CTNNA1: variants seen among roughly 807,000 people sequenced by gnomAD.
The protein encoded by CTNNA1 is catenin alpha-1.
CTNNA1 carries 37 observed loss-of-function variants against 98.4 expected under a neutral mutation model. The observed-to-expected ratio is 0.38, with a 90% CI of 0.29 to 0.49. CTNNA1 has a LOEUF of 0.49. CTNNA1 is among the 20% of genes least tolerant of loss of function. The pLI, the probability that CTNNA1 is intolerant of heterozygous loss-of-function variation, is 0.95. For synonymous variants in CTNNA1, 404 were observed against 413.2 expected (o/e 0.98, Z 0.27); for missense variants, 761 against 1,147.2 (o/e 0.66, Z 4.86).
chr5:138,902,576 C>T (rs574269180), intron 9 of CTNNA1, among the ~76,000 whole-genome samples: 12 of 152,280 alleles, frequency 7.9e-5, no homozygotes, highest in Admixed American at 2.6e-4. Context: ...CCTGCCACCA[C>T]GCCCGGCTAA....
intron 7 of CTNNA1, among the ~76,000 whole-genome samples, chr5:138,847,398 C>G (rs909143958): frequency 7.2e-5 from 11 of 152,092 alleles, no homozygotes; most frequent in African/African-American, 2.4e-4. Context: ...CTACTGGGCT[C>G]AAGTGATCCT....
Position 138,841,946 on chromosome 5 carries a change from A to G in CTNNA1, c.1062+14228A>G, listed in dbSNP as rs544933783. Reference sequence around the variant, plus strand: ...CTGAATTACTTCTCCTTGCTTTGAGAGAGAATTACTGGTTTTATAGATTCA... The same window carrying G: ...CTGAATTACTTCTCCTTGCTTTGAGGGAGAATTACTGGTTTTATAGATTCA... On this transcript the variant is annotated intron_variant, in intron 7 of 17. Transcript: ENST00000302763. 1.0e-3 allele frequency among the ~76,000 whole-genome samples: 158 copies of G among 152,294 alleles called. 3 individuals are homozygous for G. The South Asian group carries it at 0.012, about 12-fold the overall frequency.
intron 1 of CTNNA1, among the ~76,000 whole-genome samples, chr5:138,772,976 T>C (rs1241285556): frequency 6.6e-6 from 1 of 152,116 alleles, no homozygotes; most frequent in African/African-American, 2.4e-5. Context: ...TTTCATTTTA[T>C]AGATGATAAA....
chr5:138,926,076 A>T (rs1285968240), intron 13 of CTNNA1, among the ~76,000 whole-genome samples: 1 of 152,012 alleles, frequency 6.6e-6, no homozygotes, highest in Non-Finnish European at 1.5e-5. Flanking sequence ...CCTCCACCTC[A>T]ACCTCACGGC....
intron 13 of CTNNA1, 189 bp downstream of exon 13, chr5:138,925,596 A>G: frequency 7.1e-6 from 6 of 845,372 alleles, no homozygotes; most frequent in Non-Finnish European, 1.0e-5. Flanking sequence ...TTAGAGCCCA[A>G]ACTTGGGCCA....
intron 16 of CTNNA1, chr5:138,931,962 A>G (rs1378375506): frequency 6.1e-6 from 6 of 985,272 alleles, no homozygotes; most frequent in Non-Finnish European, 7.2e-6. Context: ...GGGAGCCTCT[A>G]AAACTCTGAG....
Position 138,887,629 on chromosome 5 carries a change from A to G in CTNNA1, c.1283A>G (p.Asn428Ser), listed in dbSNP as rs1396302901. ...EYAQVFREHA[N>S]KLIEVANLAC... The stretch of plus-strand genomic sequence containing the variant: ...GCCCAAGTTTTCCGTGAACATGCCA[A>G]CAAATTGATTGAGGTAAGTGAATTA... The change falls in exon 9 of 18, where the codon AAC becomes AGC. Residue 428 changes from asparagine (N) to serine (S), a missense_variant. By Grantham distance (46) the Asn-to-Ser change is conservative (BLOSUM62 1). This residue lies in a region of CTNNA1 where 287 missense variants were observed against 436.0 expected (regional missense o/e 0.66). Coordinates refer to ENST00000302763, the MANE Select transcript of CTNNA1 (RefSeq NM_001903.5). 17 of 1,609,730 alleles carry G rather than the reference A, an allele frequency of 1.1e-5. No homozygotes were observed. The highest frequency in any genetic ancestry group is 1.6e-4 in the Middle Eastern group (1 of 6,066).
rs181725840 is a variant in CTNNA1 at position 138,825,178 on chromosome 5, A to G, written c.858+379A>G. On this transcript the variant is annotated intron_variant, in intron 6 of 17. Coordinates refer to ENST00000302763, the MANE Select transcript of CTNNA1 (RefSeq NM_001903.5). The stretch of plus-strand genomic sequence containing the variant: ...TCAGCCCCCTAGAGGCTCGTGGTCT[A>G]TTGGGAGATAGAGAAACATCATAAG... Among the ~76,000 whole-genome samples the G allele has an allele frequency of 6.6e-5, 10 of 152,292 alleles. No individual in the cohort carries two copies. The East Asian group carries it at 1.4e-3, about 21-fold the overall frequency.
chr5:138,918,750 A>G (rs1319025805), intron 11 of CTNNA1, among the ~76,000 whole-genome samples: 1 of 152,218 alleles, frequency 6.6e-6, no homozygotes, highest in East Asian at 1.9e-4. Flanking sequence ...CCTTGGCTGC[A>G]TGGCTTGCTC....
Position 138,873,906 on chromosome 5 carries a change from T to C in CTNNA1, c.1063-12306T>C. 6.2e-7 allele frequency: 1 copy of C among 1,614,008 alleles called. No individual in the cohort carries two copies. Among genetic ancestry groups the C allele is most frequent in the South Asian group, 1.1e-5 (1 of 91,078 alleles). On this transcript the variant is annotated intron_variant, in intron 7 of 17. Transcript: ENST00000302763. This position sits in a 1 kb window ranked among gnomAD's most constrained non-coding sequence, Gnocchi z 6.1. ...CGTAGGAAATGAGCAAAATTAATCT[T>C]CGTCAGCTGGTTGTGCTCTAGGTGA...
intron 3 of CTNNA1, among the ~76,000 whole-genome samples, chr5:138,790,243 C>G (rs1342099058): frequency 1.3e-5 from 2 of 152,176 alleles, no homozygotes; most frequent in Non-Finnish European, 2.9e-5. Flanking sequence ...AGTAGCTGAT[C>G]TTTTCAGTAG....
intron 7 of CTNNA1, among the ~76,000 whole-genome samples, chr5:138,868,461 G>A (rs1765006251): frequency 6.6e-6 from 1 of 152,212 alleles, no homozygotes; most frequent in Non-Finnish European, 1.5e-5. Flanking sequence ...TGGCATGGAA[G>A]GTGCTGCTGG....
At chr5:138,806,429 A>G (rs1758093432) in intron 3 of CTNNA1, among the ~76,000 whole-genome samples, 1 of 151,962 alleles carries the variant, frequency 6.6e-6, no homozygotes, top group Admixed American at 6.6e-5. Flanking sequence ...CCGCTCAGAA[A>G]GGCCCTAGCT....
intron 1 of CTNNA1, among the ~76,000 whole-genome samples, chr5:138,768,365 T>G (rs1329230216): frequency 2.6e-5 from 4 of 151,958 alleles, no homozygotes; most frequent in African/African-American, 9.7e-5. Context: ...GTTCAAGTGA[T>G]TCTCATGCCT....
At chr5:138,835,902 C>G (rs1329409833) in intron 7 of CTNNA1, among the ~76,000 whole-genome samples, 1 of 152,154 alleles carries the variant, frequency 6.6e-6, no homozygotes, top group Admixed American at 6.5e-5. Flanking sequence ...CTGGAGTGCA[C>G]TGGTACGATC....
intron 3 of CTNNA1, among the ~76,000 whole-genome samples, chr5:138,784,577 CT>C: frequency 6.6e-6 from 1 of 152,154 alleles, no homozygotes; most frequent in Non-Finnish European, 1.5e-5. Context: ...TTCCACAGTA[CT>C]AATTAGGCAG....
At chr5:138,809,265 T>C (rs1431607055) in intron 3 of CTNNA1, among the ~76,000 whole-genome samples, 1 of 152,240 alleles carries the variant, frequency 6.6e-6, no homozygotes, top group Non-Finnish European at 1.5e-5. Flanking sequence ...ACAATACCTC[T>C]TCATTATAGA....
At chr5:138,789,544 G>A (rs1442954703) in intron 3 of CTNNA1, among the ~76,000 whole-genome samples, 3 of 152,050 alleles carry the variant, frequency 2.0e-5, no homozygotes, top group Admixed American at 6.6e-5. Flanking sequence ...TGCAACCTTC[G>A]CCTCCTGGGT....
intron 5 of CTNNA1, among the ~76,000 whole-genome samples, chr5:138,814,250 C>CTTTTTTTTTTTTT (rs201780214): frequency 7.3e-6 from 1 of 136,712 alleles, no homozygotes; most frequent in Non-Finnish European, 1.6e-5. Flanking sequence ...GCTCAGTGTG[C>CTTTTTTTTTTTTT]TTTTTTTTTT....
Sources: gnomAD v4.1 joint callset for allele counts (sites outside exome capture counted in the v4.1 genomes callset) on GRCh38, gnomAD v4.1.1 for gene constraint, gnomAD v4.1.1 regional missense constraint, Gnocchi (gnomAD v3.1) non-coding constraint, MANE v1.5 for transcripts, NCBI Gene and HGNC (gene_info 2026-07-23, HGNC 2026-07-21) for gene names.